The following DIP2B variants were observed in gnomAD, a reference collection of about 807,000 sequenced individuals.
DIP2B encodes DIP2 acetate--CoA ligase B (putative).
Under a neutral mutation model 198.0 loss-of-function variants are expected in DIP2B, and 76 were observed. The ratio of observed to expected loss-of-function variants is 0.38; its 90% CI spans 0.32 to 0.46. DIP2B has a LOEUF of 0.46. Among genes scored for constraint, DIP2B ranks in the 20% least tolerant of loss-of-function variants. The pLI is 0.99. For synonymous variants in DIP2B, 701 were observed against 739.1 expected (o/e 0.95, Z 0.84); for missense variants, 1,559 against 1,978.4 (o/e 0.79, Z 4.02).
At chr12:50,739,843 G>A (rs906084210) in intron 36 of DIP2B, among the ~76,000 whole-genome samples, 2 of 152,208 alleles carry the variant, frequency 1.3e-5, no homozygotes, top group Non-Finnish European at 2.9e-5. Flanking sequence ...GCAAGTGAGC[G>A]TCCCTGGCTA....
intron 1 of DIP2B, among the ~76,000 whole-genome samples, chr12:50,515,018 G>C (rs548665094): frequency 2.0e-5 from 3 of 151,896 alleles, no homozygotes; most frequent in Admixed American, 2.0e-4. Flanking sequence ...GAATATGCTT[G>C]CTTTCATGTG....
At chr12:50,644,932 C>G (rs1276218972) in intron 3 of DIP2B, among the ~76,000 whole-genome samples, 1 of 152,068 alleles carries the variant, frequency 6.6e-6, no homozygotes, top group Non-Finnish European at 1.5e-5. Context: ...TTGCTGTTGT[C>G]TGTTACTTTC....
intron 24 of DIP2B, 43 bp downstream of exon 24, chr12:50,718,861 G>T (rs1465570347): frequency 6.2e-7 from 1 of 1,611,986 alleles, no homozygotes; most frequent in Non-Finnish European, 8.5e-7. Flanking sequence ...TCAAGTCAAG[G>T]ACAGAACTTA....
At chr12:50,736,973 C>G in intron 34 of DIP2B, 63 bp from the exon 35 acceptor site, 2 of 1,518,652 alleles carry the variant, frequency 1.3e-6, no homozygotes, top group Non-Finnish European at 9.1e-7. Flanking sequence ...ACTAACCGTG[C>G]GTTTCCTGGA....
chr12:50,635,264 G>T (rs1938137764), intron 2 of DIP2B, among the ~76,000 whole-genome samples: 1 of 152,136 alleles, frequency 6.6e-6, no homozygotes, highest in African/African-American at 2.4e-5. Flanking sequence ...CATTTTTGAA[G>T]TGAATTGTGT....
At chr12:50,704,691 G>A (rs1049999673) in intron 20 of DIP2B, among the ~76,000 whole-genome samples, 2 of 152,214 alleles carry the variant, frequency 1.3e-5, no homozygotes, top group African/African-American at 4.8e-5. Context: ...TGGGCCGGGT[G>A]TGGTGGCTCA....
chr12:50,723,428 A>G lies in DIP2B; in HGVS notation c.3288+105A>G, dbSNP rs1000240694. 1.7e-5 allele frequency: 25 copies of G among 1,513,132 alleles called. No homozygotes were observed. In the Admixed American group the frequency reaches 2.6e-4, roughly 15 times the overall value. The allele number at this position is 1,513,132 out of a possible 1,614,324, so 93.7% of individuals were successfully genotyped here. A position where few individuals can be genotyped will look rare whatever the true frequency, so the allele number is the denominator to read the frequency against. On this transcript the variant is annotated intron_variant, in intron 27 of 37. Coordinates refer to ENST00000301180, the MANE Select transcript of DIP2B (RefSeq NM_173602.3). ...CAATTTTGTTAAGTCAGGAATTCAA[A>G]TTTGTCTTCTGGAGACTACCTCCTT...
chr12:50,723,333 A>C lies in DIP2B; in HGVS notation c.3288+10A>C, dbSNP rs1939876615. ...CCGAATGATTGTTGATGTAAGTACC[A>C]GCTGTATCTTGCCTTGTCCTCATCT... On this transcript the variant is annotated intron_variant, in intron 27 of 37. Coordinates refer to ENST00000301180, the MANE Select transcript of DIP2B (RefSeq NM_173602.3). The C allele has an allele frequency of 1.2e-6, 2 of 1,614,102 alleles. No homozygotes were observed. Among genetic ancestry groups the C allele is most frequent in the Non-Finnish European group, 8.5e-7 (1 of 1,179,982 alleles).
chr12:50,733,870 A>T (rs966337422), intron 32 of DIP2B, among the ~76,000 whole-genome samples: 1 of 152,168 alleles, frequency 6.6e-6, no homozygotes, highest in Admixed American at 6.5e-5. Flanking sequence ...ACTGTGGCCA[A>T]TACTGGTTTT....
chr12:50,737,227 A>AT, intron 35 of DIP2B, 117 bp downstream of exon 35: 2 of 942,072 alleles, frequency 2.1e-6, no homozygotes, highest in South Asian at 1.6e-5. Context: ...AATGGAGTTA[A>AT]TTTTTTTCTG....
chr12:50,721,469 A>C (rs2139586735), intron 26 of DIP2B, 73 bp downstream of exon 26: 1 of 1,579,856 alleles, frequency 6.3e-7, no homozygotes, highest in Non-Finnish European at 8.6e-7. Context: ...AAGGATAGGC[A>C]CTCAGAGCTA....
At chr12:50,613,491 CT>C (rs1959048642) in intron 1 of DIP2B, among the ~76,000 whole-genome samples, 1 of 152,196 alleles carries the variant, frequency 6.6e-6, no homozygotes, top group Non-Finnish European at 1.5e-5. Context: ...GATCCTTACC[CT>C]TTTTCGTAGA....
Position 50,714,406 on chromosome 12 carries a change from C to T in DIP2B, c.2661C>T (p.Ser887=), listed in dbSNP as rs1238737223. The T allele has an allele frequency of 9.3e-6, 15 of 1,614,072 alleles. No homozygotes were observed. The highest frequency in any genetic ancestry group is 1.3e-5 in the Non-Finnish European group (15 of 1,180,044). ...TTGTATTTTTCTAGGCGATCGATAG[C>T]ATTCATCAAGTGGGGGTTTATTGTC... The part of the protein sequence containing the change: ...WMSRVLQAID[S]IHQVGVYCLA... The change falls in exon 23 of 38, where the codon AGC becomes AGT. Residue 887 remains serine (S), a synonymous_variant. Coordinates refer to ENST00000301180, the MANE Select transcript of DIP2B (RefSeq NM_173602.3).
intron 4 of DIP2B, among the ~76,000 whole-genome samples, chr12:50,668,080 C>T: frequency 6.6e-6 from 1 of 152,168 alleles, no homozygotes; most frequent in Non-Finnish European, 1.5e-5. Context: ...AGTTTTCTGT[C>T]CCCTCCAAGC....
intron 1 of DIP2B, among the ~76,000 whole-genome samples, chr12:50,522,386 C>T (rs1958127814): frequency 6.6e-6 from 1 of 152,162 alleles, no homozygotes; most frequent in African/African-American, 2.4e-5. Context: ...TCTGGGAAGG[C>T]AGGAACCTAT....
chr12:50,551,058 C>A (rs908601531), intron 1 of DIP2B, among the ~76,000 whole-genome samples: 3 of 151,886 alleles, frequency 2.0e-5, no homozygotes, highest in African/African-American at 7.3e-5. Context: ...CAACTGCACT[C>A]CAGCCTGGGC....
intron 12 of DIP2B, among the ~76,000 whole-genome samples, chr12:50,687,320 A>G (rs2139542924): frequency 6.6e-6 from 1 of 152,334 alleles, no homozygotes; most frequent in South Asian, 2.1e-4. Context: ...GTAGCTGAGC[A>G]AAGGCCACAT....
chr12:50,744,854 A>G lies in DIP2B; in HGVS notation c.*15A>G. 3 of 1,612,858 alleles carry G rather than the reference A, an allele frequency of 1.9e-6. No individual in the cohort carries two copies. The highest frequency in any genetic ancestry group is 2.5e-6 in the Non-Finnish European group (3 of 1,179,026). ...ATAACATGTAACCAGCCTTGTGGGG[A>G]CTGCAGTGGGCCATTCTGAAGAATC... On this transcript the variant is annotated 3_prime_UTR_variant, in exon 38 of 38. Transcript: ENST00000301180.
At chr12:50,616,831 A>C (rs1256610101) in intron 1 of DIP2B, among the ~76,000 whole-genome samples, 1 of 152,212 alleles carries the variant, frequency 6.6e-6, no homozygotes, top group African/African-American at 2.4e-5. Flanking sequence ...TATAATAATG[A>C]AATTTTTGTC....
Sources: gnomAD v4.1 joint callset for allele counts (sites outside exome capture counted in the v4.1 genomes callset) on GRCh38, gnomAD v4.1.1 for gene constraint, MANE v1.5 for transcripts, NCBI Gene and HGNC (gene_info 2026-07-23, HGNC 2026-07-21) for gene names.